TTC28: variants seen among roughly 807,000 people sequenced by gnomAD.
The protein encoded by TTC28 is tetratricopeptide repeat domain 28.
Under a neutral mutation model 198.0 loss-of-function variants are expected in TTC28, and 61 were observed. The ratio of observed to expected loss-of-function variants is 0.31; its 90% CI spans 0.25 to 0.38. The LOEUF (loss-of-function observed/expected upper bound fraction) is 0.38. Ranked by LOEUF, TTC28 falls within the 10% of genes least tolerant of loss-of-function variation. TTC28 has a pLI of 1.00. For synonymous variants in TTC28, 1,171 were observed against 1,297.8 expected (o/e 0.90, Z 2.10); for missense variants, 2,678 against 3,164.0 (o/e 0.85, Z 3.69).
At chr22:28,209,968 T>A (rs533523735) in intron 5 of TTC28, among the ~76,000 whole-genome samples, 1 of 152,252 alleles carries the variant, frequency 6.6e-6, no homozygotes, top group Admixed American at 6.5e-5. Flanking sequence ...CAGCAACATT[T>A]GCTGTACTGC....
chr22:28,655,815 C>G (rs2146270686), intron 1 of TTC28, among the ~76,000 whole-genome samples: 1 of 150,752 alleles, frequency 6.6e-6, no homozygotes, highest in Non-Finnish European at 1.5e-5. Context: ...TGTGCCACTG[C>G]ACTCCAGCCT....
At chr22:28,438,815 A>G (rs942277914) in intron 2 of TTC28, among the ~76,000 whole-genome samples, 1 of 152,238 alleles carries the variant, frequency 6.6e-6, no homozygotes, top group Non-Finnish European at 1.5e-5. Flanking sequence ...ACGGGAAAGT[A>G]TATTTTTCCA....
At chr22:28,304,021 C>CA (rs1384450291) in intron 3 of TTC28, among the ~76,000 whole-genome samples, 2 of 152,114 alleles carry the variant, frequency 1.3e-5, no homozygotes, top group African/African-American at 4.8e-5. Flanking sequence ...CGCGGTGGCT[C>CA]ACGCCTGTAA....
At chr22:28,302,739 A>G (rs1190232030) in intron 3 of TTC28, among the ~76,000 whole-genome samples, 1 of 151,994 alleles carries the variant, frequency 6.6e-6, no homozygotes, top group Admixed American at 6.6e-5. Flanking sequence ...CAGGGACACG[A>G]TCTCAGCTCG....
chr22:28,400,549 A>G (rs958617174), intron 2 of TTC28, among the ~76,000 whole-genome samples: 2 of 152,212 alleles, frequency 1.3e-5, no homozygotes, highest in Non-Finnish European at 2.9e-5. Context: ...AGCAGTGGCA[A>G]CAGTAGCAGC....
At chr22:28,555,446 T>C (rs551685867) in intron 2 of TTC28, among the ~76,000 whole-genome samples, 1 of 152,254 alleles carries the variant, frequency 6.6e-6, no homozygotes, top group East Asian at 1.9e-4. Context: ...CCAGCCCAAA[T>C]GCCCATCAAT....
At chr22:28,548,142 A>G (rs898323013) in intron 2 of TTC28, among the ~76,000 whole-genome samples, 1 of 152,206 alleles carries the variant, frequency 6.6e-6, no homozygotes, top group Non-Finnish European at 1.5e-5. Context: ...CATGTTTTTG[A>G]CAGTGACTTA....
intron 5 of TTC28, among the ~76,000 whole-genome samples, chr22:28,216,781 G>T (rs1927439733): frequency 6.6e-6 from 1 of 152,072 alleles, no homozygotes; most frequent in Admixed American, 6.6e-5. Context: ...AAGTACAGTG[G>T]TGTGATCACA....
intron 12 of TTC28, among the ~76,000 whole-genome samples, chr22:28,055,605 A>C (rs1333848690): frequency 6.6e-6 from 1 of 152,160 alleles, no homozygotes; most frequent in Non-Finnish European, 1.5e-5. Flanking sequence ...GGCTCACAAC[A>C]ACTCTATGAG....
At chr22:28,478,528 T>C (rs750037310) in intron 2 of TTC28, among the ~76,000 whole-genome samples, 1 of 151,792 alleles carries the variant, frequency 6.6e-6, no homozygotes, top group South Asian at 2.1e-4. Flanking sequence ...TCAAATAAAA[T>C]AGTCCTTATC....
intron 14 of TTC28, chr22:28,002,321 T>C (rs936976586): frequency 2.0e-5 from 3 of 152,392 alleles, no homozygotes; most frequent in Non-Finnish European, 4.4e-5. Context: ...TGGAAGCTGC[T>C]GCTGCAGCCC....
At chr22:28,379,910 AG>A (rs1164606891) in intron 2 of TTC28, among the ~76,000 whole-genome samples, 3 of 152,216 alleles carry the variant, frequency 2.0e-5, no homozygotes, top group African/African-American at 7.2e-5. Context: ...TTAAGGAGAT[AG>A]GACAATTAAA....
intron 2 of TTC28, among the ~76,000 whole-genome samples, chr22:28,464,664 A>G (rs947717946): frequency 1.3e-5 from 2 of 152,222 alleles, no homozygotes; most frequent in African/African-American, 4.8e-5. Flanking sequence ...AGAACTTAAA[A>G]TGAAATATCC....
At chr22:28,430,820 G>A (rs567751245) in intron 2 of TTC28, among the ~76,000 whole-genome samples, 28 of 150,830 alleles carry the variant, frequency 1.9e-4, no homozygotes, top group African/African-American at 4.9e-4. Flanking sequence ...GCCAATCACC[G>A]TCTGGATTTC....
intron 2 of TTC28, among the ~76,000 whole-genome samples, chr22:28,512,049 T>C (rs1015451499): frequency 1.3e-5 from 2 of 151,498 alleles, no homozygotes; most frequent in African/African-American, 4.9e-5. Context: ...AGTCTATCCA[T>C]CTGACGAAGG....
chr22:28,371,916 T>A (rs1041160489), intron 2 of TTC28, among the ~76,000 whole-genome samples: 3 of 151,214 alleles, frequency 2.0e-5, no homozygotes, highest in Non-Finnish European at 2.9e-5. Context: ...GAATTTTTTT[T>A]ATTTTATTAT....
chr22:28,520,016 T>A (rs1394582547), intron 2 of TTC28, among the ~76,000 whole-genome samples: 1 of 152,182 alleles, frequency 6.6e-6, no homozygotes, highest in Non-Finnish European at 1.5e-5. Flanking sequence ...TAATACACTA[T>A]TTTACAGTTC....
At chr22:28,454,900 A>G (rs2047835711) in intron 2 of TTC28, among the ~76,000 whole-genome samples, 1 of 152,202 alleles carries the variant, frequency 6.6e-6, no homozygotes, top group South Asian at 2.1e-4. Flanking sequence ...AAACATACAT[A>G]TGCTAATTTT....
chr22:28,424,182 T>C (rs2047309326), intron 2 of TTC28, among the ~76,000 whole-genome samples: 1 of 152,198 alleles, frequency 6.6e-6, no homozygotes, highest in Non-Finnish European at 1.5e-5. Flanking sequence ...ATATACAAAT[T>C]AGGCTCTTAA....
Sources: allele counts gnomAD v4.1 joint callset (sites outside exome capture counted in the v4.1 genomes callset), GRCh38; gene constraint gnomAD v4.1.1; transcripts MANE v1.5; gene names NCBI Gene and HGNC (gene_info 2026-07-23, HGNC 2026-07-21).